SNX29: variants seen among roughly 807,000 people sequenced by gnomAD.
SNX29 encodes sorting nexin-29.
Under a neutral mutation model 102.1 loss-of-function variants are expected in SNX29, and 78 were observed. The observed-to-expected ratio is 0.76, with a 90% confidence interval of 0.64 to 0.92. The LOEUF is 0.92. Ranked by LOEUF, SNX29 falls within the 40% of genes least tolerant of loss-of-function variation. The probability of loss-of-function intolerance (pLI) is 0.00; values close to 1 mark genes in which losing one functional copy is unlikely to be tolerated. For missense variants in SNX29, 1,280 were observed against 1,061.7 expected (o/e 1.21, Z -2.86); for synonymous variants, 580 against 414.5 (o/e 1.40, Z -4.85).
chr16:12,315,618 C>T (rs1304124738), intron 15 of SNX29, among the ~76,000 whole-genome samples: 1 of 152,148 alleles, frequency 6.6e-6, no homozygotes, highest in African/African-American at 2.4e-5. Flanking sequence ...AAAAGATGGT[C>T]ATCTGCAAGC....
chr16:12,514,995 T>G (rs1002075833), intron 19 of SNX29, among the ~76,000 whole-genome samples: 2 of 152,078 alleles, frequency 1.3e-5, no homozygotes, highest in African/African-American at 4.8e-5. Flanking sequence ...ATAAATGAAA[T>G]GATGCTTAAG....
chr16:12,174,078 G>A (rs112720541), intron 13 of SNX29, among the ~76,000 whole-genome samples: 2,739 of 152,200 alleles, frequency 0.018, 75 homozygotes, highest in African/African-American at 0.061. Context: ...CACTGCCCCC[G>A]GCCCCCTGTG....
chr16:12,569,839 A>C lies in SNX29; in HGVS notation c.*1210A>C, dbSNP rs577404600. The C allele has an allele frequency of 1.7e-5, 4 of 230,702 alleles. No homozygotes were observed. Among genetic ancestry groups the C allele is most frequent in the African/African-American group, 8.8e-5 (4 of 45,296 alleles). 14.3% of individuals were successfully genotyped at this position (230,702 alleles called of 1,614,324 possible). On this transcript the variant is annotated 3_prime_UTR_variant, in exon 21 of 21. Transcript: ENST00000566228. Reference sequence around the variant, plus strand: ...CAGTTTGCATTTCTAGGGTAAACTAACTAGGAAGGATGTCGTGAAATGGAC... The same window carrying C: ...CAGTTTGCATTTCTAGGGTAAACTACCTAGGAAGGATGTCGTGAAATGGAC...
intron 14 of SNX29, among the ~76,000 whole-genome samples, chr16:12,211,828 A>G (rs1219857183): frequency 6.6e-6 from 1 of 152,176 alleles, no homozygotes; most frequent in Admixed American, 6.5e-5. Context: ...CACTCTCATT[A>G]TGGAAGATAA....
At chr16:12,207,392 A>G (rs1430804887) in intron 14 of SNX29, among the ~76,000 whole-genome samples, 1 of 152,144 alleles carries the variant, frequency 6.6e-6, no homozygotes, top group Non-Finnish European at 1.5e-5. Flanking sequence ...ATAAAAAACA[A>G]AAACCAGGGA....
In SNX29 at chr16:12,563,858, C is replaced by T. The variant is rs557838436; in HGVS notation, c.2319-4648C>T. On this transcript the variant is annotated intron_variant, in intron 20 of 20. Transcript: ENST00000566228. ...CCTGTAAATATCCCTGCTGAATAGC[C>T]ATCTCTCCCCATCTCTAGCCCCTTG... Among the ~76,000 whole-genome samples, 11 of 152,320 alleles carry T rather than the reference C, an allele frequency of 7.2e-5. No homozygotes were observed. The East Asian group carries it at 1.5e-3, about 21-fold the overall frequency.
chr16:12,563,615 AG>A, intron 20 of SNX29, among the ~76,000 whole-genome samples: 1 of 84,316 alleles, frequency 1.2e-5, no homozygotes, highest in Non-Finnish European at 2.3e-5. Context: ...CACATCTCAC[AG>A]ACGAGACTGT....
chr16:11,984,199 A>G (rs1360451958), intron 1 of SNX29, among the ~76,000 whole-genome samples: 2 of 151,742 alleles, frequency 1.3e-5, no homozygotes, highest in African/African-American at 4.8e-5. Flanking sequence ...GTCTTTGTAC[A>G]CACACACACA....
chr16:12,157,495 G>A (rs2055601579), intron 13 of SNX29, among the ~76,000 whole-genome samples: 1 of 152,138 alleles, frequency 6.6e-6, no homozygotes, highest in Non-Finnish European at 1.5e-5. Context: ...TGGGTGTCCT[G>A]CTCTCCCAGA....
intron 16 of SNX29, among the ~76,000 whole-genome samples, chr16:12,397,673 A>G (rs1409910502): frequency 6.6e-6 from 1 of 152,222 alleles, no homozygotes; most frequent in African/African-American, 2.4e-5. Context: ...GAAAAATATC[A>G]ACATTTATTG....
chr16:12,213,971 T>G (rs1485831357), intron 14 of SNX29, among the ~76,000 whole-genome samples: 2 of 152,002 alleles, frequency 1.3e-5, no homozygotes, highest in African/African-American at 4.8e-5. Context: ...GGTGCTAAAG[T>G]CCCATCAAGC....
intron 10 of SNX29, among the ~76,000 whole-genome samples, chr16:12,077,178 C>A (rs1281852347): frequency 6.6e-6 from 1 of 151,910 alleles, no homozygotes; most frequent in East Asian, 1.9e-4. Context: ...ACTTGGGAGA[C>A]TGATGTGGGA....
At chr16:12,184,726 A>C (rs1472214427) in intron 13 of SNX29, among the ~76,000 whole-genome samples, 1 of 152,222 alleles carries the variant, frequency 6.6e-6, no homozygotes, top group Non-Finnish European at 1.5e-5. Context: ...CTCCCTAGAA[A>C]TGCCTTCTGT....
intron 7 of SNX29, among the ~76,000 whole-genome samples, chr16:12,051,193 GT>G (rs2050283791): frequency 6.6e-6 from 1 of 152,124 alleles, no homozygotes; most frequent in African/African-American, 2.4e-5. Flanking sequence ...GCTGGGTGTT[GT>G]GGCATGCACC....
intron 19 of SNX29, chr16:12,515,504 C>T (rs1441929496): frequency 2.0e-6 from 1 of 488,176 alleles, no homozygotes; most frequent in Non-Finnish European, 4.1e-6. Context: ...TCCTTGCCTC[C>T]CCAGCCGCCA....
chr16:12,568,430 C>T (rs933565342), intron 20 of SNX29, 76 bp from the exon 21 acceptor site: 8 of 1,577,456 alleles, frequency 5.1e-6, no homozygotes, highest in South Asian at 2.3e-5. Context: ...GCCCTCACAC[C>T]TGGCTCCCCT....
At chr16:12,542,428 C>G (rs548050819) in intron 20 of SNX29, among the ~76,000 whole-genome samples, 2 of 152,322 alleles carry the variant, frequency 1.3e-5, no homozygotes, top group Non-Finnish European at 1.5e-5. Context: ...CTTCGCCTCC[C>G]AAGTTCAATT....
intron 15 of SNX29, among the ~76,000 whole-genome samples, chr16:12,341,069 A>C (rs2081597494): frequency 6.6e-6 from 1 of 152,220 alleles, no homozygotes; most frequent in African/African-American, 2.4e-5. Flanking sequence ...ATAAAGGACC[A>C]AGAAGAGTGT....
intron 19 of SNX29, among the ~76,000 whole-genome samples, chr16:12,489,176 C>T (rs1362322373): frequency 6.6e-6 from 1 of 152,114 alleles, no homozygotes; most frequent in African/African-American, 2.4e-5. Flanking sequence ...TAATTGCTAC[C>T]TTTCCCTTCA....
Sources: gnomAD v4.1 joint callset for allele counts (sites outside exome capture counted in the v4.1 genomes callset) on GRCh38, gnomAD v4.1.1 for gene constraint, MANE v1.5 for transcripts, NCBI Gene and HGNC (gene_info 2026-07-23, HGNC 2026-07-21) for gene names.